Variants in SEZ6L2 observed in about 807,000 individuals in gnomAD.
The protein encoded by SEZ6L2 is seizure related 6 homolog like 2.
SEZ6L2 carries 44 observed loss-of-function variants against 97.0 expected under a neutral mutation model. The observed-to-expected ratio is 0.45, with a 90% CI of 0.36 to 0.58. The LOEUF (loss-of-function observed/expected upper bound fraction) is 0.58, where lower values mean the gene tolerates loss of function less well. SEZ6L2 is among the 20% of genes least tolerant of loss of function. The pLI is 0.00. For missense variants in SEZ6L2, 1,086 were observed against 1,233.3 expected (o/e 0.88, Z 1.79); for synonymous variants, 543 against 546.1 (o/e 0.99, Z 0.08).
At chr16:29,898,163 C>T (rs2068448035) in intron 1 of SEZ6L2, among the ~76,000 whole-genome samples, 179 bp from the exon 2 acceptor site, 1 of 152,178 alleles carries the variant, frequency 6.6e-6, no homozygotes, top group Admixed American at 6.5e-5. Flanking sequence ...CTCATACTCC[C>T]ACTCCCACAC....
chr16:29,892,297 G>A (rs1275158983), intron 5 of SEZ6L2, among the ~76,000 whole-genome samples: 1 of 152,250 alleles, frequency 6.6e-6, no homozygotes, highest in Non-Finnish European at 1.5e-5. Context: ...GGAAGACTGA[G>A]CAATGAAGGC....
At chr16:29,884,543 G>A (rs1198787786) in intron 8 of SEZ6L2, among the ~76,000 whole-genome samples, 1 of 151,968 alleles carries the variant, frequency 6.6e-6, no homozygotes, top group African/African-American at 2.4e-5. Context: ...AGTGAGCTGA[G>A]ATCGCGCCAC....
In SEZ6L2 at chr16:29,872,709, C is replaced by T. The variant is rs754687214; in HGVS notation, c.2523G>A (p.Leu841=). 3.1e-6 allele frequency: 5 copies of T among 1,613,204 alleles called. No homozygotes were observed. Among genetic ancestry groups the T allele is most frequent in the Admixed American group, 3.3e-5 (2 of 59,950 alleles). The change falls in exon 15 of 18, where the codon CTG becomes CTA. Residue 841 remains leucine, a synonymous_variant. Coordinates refer to ENST00000617533, the MANE Select transcript of SEZ6L2 (RefSeq NM_001243332.2). ...TCCACCTGTGCTCTCACTGACCTTC[C>T]AGTTTTCGGTTGTCCAGGAGCTCCT... is the stretch of plus-strand genomic sequence containing the variant. The part of the protein sequence containing the change: ...AYEELLDNRK[L]EVTQTTDPSR...
At position 29,873,689 on chromosome 16, in the gene SEZ6L2, G is replaced by T. The variant is rs992109877; in HGVS notation, c.2145C>A (p.His715Gln). ...GGAAGCCGGCGTCCGAGGCGGTGCGGTGCCCGTTGGCAATCTCGCCAGGGT... is the reference window on the plus strand; with the variant it reads ...GGAAGCCGGCGTCCGAGGCGGTGCGTTGCCCGTTGGCAATCTCGCCAGGGT... ...CADPGEIANG[H>Q]RTASDAGFPV... The change falls in exon 13 of 18, where the codon CAC (histidine) becomes CAA (glutamine). Residue 715 changes from histidine (H) to glutamine (Q), a missense_variant. By Grantham distance (24) the His-to-Gln change is conservative. Coordinates refer to ENST00000617533, the MANE Select transcript of SEZ6L2 (RefSeq NM_001243332.2). The surrounding 1 kb of genome is among the most constrained non-coding windows in gnomAD (Gnocchi z 4.3). 6.2e-7 allele frequency: 1 copy of T among 1,608,578 alleles called. No homozygotes were observed. Among genetic ancestry groups the T allele is most frequent in the South Asian group, 1.1e-5 (1 of 90,734 alleles).
chr16:29,871,766 A>T (rs1430148742), intron 17 of SEZ6L2, 38 bp from the exon 18 acceptor site: 4 of 1,595,444 alleles, frequency 2.5e-6, no homozygotes, highest in Non-Finnish European at 3.4e-6. Flanking sequence ...TTGGAGTCTG[A>T]TAGGGGTGGA....
chr16:29,896,931 T>TGGGGG lies in SEZ6L2; in HGVS notation c.397_401dup (p.Ser136HisfsTer34). 7.3e-7 allele frequency: 1 copy of TGGGGG among 1,367,328 alleles called. No homozygotes were observed. The highest frequency in any genetic ancestry group is 1.0e-6 in the Non-Finnish European group (1 of 966,502). The allele number at this position is 1,367,328 out of a possible 1,614,324, so 84.7% of individuals were successfully genotyped here. On this transcript the variant is annotated frameshift_variant, in exon 3 of 18. Coordinates refer to ENST00000617533, the MANE Select transcript of SEZ6L2 (RefSeq NM_001243332.2). LOFTEE classifies it high-confidence loss of function. ...GAGGCCCTGGGGAGGCAGGGCTGGG[T>TGGGGG]GGGGGTGGGGCTGTGGTTCCTGGGG...
intron 6 of SEZ6L2, 43 bp downstream of exon 6, chr16:29,888,497 G>A: frequency 6.3e-7 from 1 of 1,591,474 alleles, no homozygotes. Context: ...TCCCAATGGG[G>A]TTCCCAGAAC....
At chr16:29,881,456 G>A (rs2068027880) in intron 8 of SEZ6L2, among the ~76,000 whole-genome samples, 1 of 151,990 alleles carries the variant, frequency 6.6e-6, no homozygotes, top group Admixed American at 6.6e-5. Context: ...TGCTGTTGCT[G>A]AAACCCAAAA....
intron 15 of SEZ6L2, 68 bp from the exon 16 acceptor site, chr16:29,872,594 C>G: frequency 1.2e-6 from 2 of 1,600,786 alleles, no homozygotes; most frequent in Non-Finnish European, 1.7e-6. Context: ...GCCTCCTGCC[C>G]TGGGCCTCAA....
Position 29,873,873 on chromosome 16 carries a change from T to C in SEZ6L2, c.2105-144A>G. 5 of 737,220 alleles carry C rather than the reference T, an allele frequency of 6.8e-6. No individual in the cohort carries two copies. Among genetic ancestry groups the C allele is most frequent in the Non-Finnish European group, 8.6e-6 (4 of 465,148 alleles). 45.7% of individuals were successfully genotyped at this position (737,220 alleles called of 1,614,324 possible). On this transcript the variant is annotated intron_variant, in intron 12 of 17. Transcript: ENST00000617533. The surrounding 1 kb of genome is among the most constrained non-coding windows in gnomAD (Gnocchi z 4.3). ...CCTGTGGTTCCAGCTACTCAGGAGT[T>C]GGAGGCGGGATGATCGCTCGAACCC...
chr16:29,891,201 A>G (rs1596986553), intron 5 of SEZ6L2, among the ~76,000 whole-genome samples: 1 of 151,880 alleles, frequency 6.6e-6, no homozygotes. Flanking sequence ...CGGCCTCCCA[A>G]AGTGCTGTGA....
chr16:29,878,734 C>T (rs992194250), intron 9 of SEZ6L2, among the ~76,000 whole-genome samples: 4 of 148,466 alleles, frequency 2.7e-5, no homozygotes, highest in African/African-American at 9.9e-5. Flanking sequence ...ACAGGCGCCG[C>T]CACCACACCC....
In SEZ6L2 at chr16:29,898,003, T is replaced by C; in HGVS notation, c.80-19A>G. On this transcript the variant is annotated intron_variant, in intron 1 of 17. Coordinates refer to ENST00000617533, the MANE Select transcript of SEZ6L2 (RefSeq NM_001243332.2). The stretch of plus-strand genomic sequence containing the variant: ...GGCAGACCTAGGAGGTGAAGTTGTG[T>C]GAGCTTCTCCACTTCCCCACACCCC... 1 of 1,611,868 alleles carries C rather than the reference T, an allele frequency of 6.2e-7. No homozygotes were observed. The highest frequency in any genetic ancestry group is 1.1e-5 in the South Asian group (1 of 90,896).
At position 29,899,285 on chromosome 16, in the gene SEZ6L2, T is replaced by A; in HGVS notation, c.-266A>T. On this transcript the variant is annotated 5_prime_UTR_variant, in exon 1 of 18. Transcript: ENST00000617533. ...GTGGTGGAGGGGGCGCGGCTCCGGC[T>A]GCAGGGGGTGGGGCCGAGAGGGCCG... The A allele has an allele frequency of 2.2e-6, 1 of 444,948 alleles. No homozygotes were observed. Among genetic ancestry groups the A allele is most frequent in the Non-Finnish European group, 4.0e-6 (1 of 252,176 alleles). 27.6% of individuals were successfully genotyped at this position (444,948 alleles called of 1,614,324 possible).
At chr16:29,879,210 C>T (rs1421021723) in intron 9 of SEZ6L2, among the ~76,000 whole-genome samples, 3 of 148,370 alleles carry the variant, frequency 2.0e-5, no homozygotes, top group East Asian at 4.1e-4. Flanking sequence ...GCTTTATCCA[C>T]CTGTTTCTTT....
intron 4 of SEZ6L2, 73 bp downstream of exon 4, chr16:29,895,648 C>G: frequency 6.5e-7 from 1 of 1,533,836 alleles, no homozygotes. Context: ...GCTCCCAGGC[C>G]AAACCCGTGC....
chr16:29,880,028 G>A lies in SEZ6L2; in HGVS notation c.1409C>T (p.Ala470Val). ...GTCCGTGGTAGTGACATTTCCATGT[G>A]CCAGGAAGGGGGCGAAGCAGCGATC... is the stretch of plus-strand genomic sequence containing the variant. ...EEDRCFAPFLAHGNVTTTDPE... is the reference protein window; with the variant it reads ...EEDRCFAPFLVHGNVTTTDPE... Residue 470 changes from alanine to valine, a missense_variant, in exon 9 of 18, where the codon GCA becomes GTA. By Grantham distance (64) the Ala-to-Val change is moderately conservative (BLOSUM62 0). Around this residue, in one of 2 missense-constraint regions of SEZ6L2, gnomAD observed 776 missense variants for 794.7 expected, o/e 0.98. Transcript: ENST00000617533. 1 of 1,614,212 alleles carries A rather than the reference G, an allele frequency of 6.2e-7. No homozygotes were observed. The highest frequency in any genetic ancestry group is 8.5e-7 in the Non-Finnish European group (1 of 1,180,022).
intron 5 of SEZ6L2, among the ~76,000 whole-genome samples, chr16:29,892,941 G>A (rs1485253533): frequency 6.6e-6 from 1 of 152,224 alleles, no homozygotes; most frequent in African/African-American, 2.4e-5. Flanking sequence ...CCTAACAAAT[G>A]CAGTCGTGCG....
At position 29,887,761 on chromosome 16, in the gene SEZ6L2, G is replaced by A. The variant is rs748391868; in HGVS notation, c.1096C>T (p.Pro366Ser). ...AGGTTGGGCCCTACGGCTCCCCCAG[G>A]CTCTGGGGACACGATGCGGCCCAGG... ...ATLGRIVSPE[P>S]GGAVGPNLTC... Residue 366 changes from proline to serine, a missense_variant, in exon 7 of 18, where the codon CCT (proline) becomes TCT (serine). By Grantham distance (74) the Pro-to-Ser change is moderately conservative. Transcript: ENST00000617533. 1 of 1,613,874 alleles carries A rather than the reference G, an allele frequency of 6.2e-7. No individual in the cohort carries two copies. The highest frequency in any genetic ancestry group is 8.5e-7 in the Non-Finnish European group (1 of 1,179,936).
Sources: gnomAD v4.1 joint callset for allele counts (sites outside exome capture counted in the v4.1 genomes callset) on GRCh38, gnomAD v4.1.1 for gene constraint, gnomAD v4.1.1 regional missense constraint, Gnocchi (gnomAD v3.1) non-coding constraint, MANE v1.5 for transcripts, NCBI Gene and HGNC (gene_info 2026-07-23, HGNC 2026-07-21) for gene names.